Variants in PPAT observed in about 807,000 individuals in gnomAD.
PPAT encodes the protein phosphoribosyl pyrophosphate amidotransferase.
Under a neutral mutation model 60.2 loss-of-function variants are expected in PPAT, and 20 were observed. The ratio of observed to expected loss-of-function variants is 0.33; its 90% CI spans 0.23 to 0.48. PPAT has a LOEUF of 0.48. Ranked by LOEUF, PPAT falls within the 20% of genes least tolerant of loss-of-function variation. PPAT has a pLI of 0.99. For synonymous variants in PPAT, 194 were observed against 215.1 expected (o/e 0.90, Z 0.86); for missense variants, 349 against 629.6 (o/e 0.55, Z 4.77).
intron 8 of PPAT, 84 bp from the exon 9 acceptor site, chr4:56,399,484 T>C (rs1716061524): frequency 9.7e-7 from 1 of 1,032,274 alleles, no homozygotes; most frequent in Non-Finnish European, 1.4e-6. Context: ...GCCGCCACAA[T>C]ATTCAAGTAA....
chr4:56,407,789 A>G, intron 1 of PPAT, 73 bp from the exon 2 acceptor site: 1 of 1,177,070 alleles, frequency 8.5e-7, no homozygotes, highest in Non-Finnish European at 1.3e-6. Context: ...TATCAAGCAT[A>G]CTTTCTCAAC....
rs1218434861 is a variant in PPAT, at chr4:56,396,535, T to C, written c.1357+84A>G. On this transcript the variant is annotated intron_variant, in intron 10 of 10. Transcript: ENST00000264220. The surrounding 1 kb of genome is among the most constrained non-coding windows in gnomAD (Gnocchi z 4.6). ...ACTACTTTTAACAAACACTGAATAC[T>C]CCTTTTTACTAAAGGTGTAAAGACT... The C allele has an allele frequency of 7.6e-7, 1 of 1,308,902 alleles. No individual in the cohort carries two copies. The highest frequency in any genetic ancestry group is 2.3e-5 in the East Asian group (1 of 42,794). 81.1% of individuals were successfully genotyped at this position (1,308,902 alleles called of 1,614,324 possible). A position where few individuals can be genotyped will look rare whatever the true frequency, so the allele number is the denominator to read the frequency against.
chr4:56,402,820 CAAAAAAAAA>C (rs556899549), intron 5 of PPAT, among the ~76,000 whole-genome samples: 4 of 44,022 alleles, frequency 9.1e-5, no homozygotes, highest in African/African-American at 2.8e-4. Flanking sequence ...ACTCGGTCTC[CAAAAAAAAA>C]AAAAAAAAAA....
At chr4:56,426,273 G>A (rs1172129766) in intron 1 of PPAT, among the ~76,000 whole-genome samples, 1 of 151,954 alleles carries the variant, frequency 6.6e-6, no homozygotes, top group Non-Finnish European at 1.5e-5. Context: ...TGGTGGCCGC[G>A]CACCTGTGGT....
chr4:56,429,074 G>GGAATAAATATCTCTGTTATC, intron 1 of PPAT: 1 of 292,626 alleles, frequency 3.4e-6, no homozygotes, highest in Non-Finnish European at 5.1e-6. Context: ...CCTGATAACA[G>GGAATAAATATCTCTGTTATC]AGATATTTAT....
At chr4:56,405,137 A>G (rs1396567336) in intron 3 of PPAT, among the ~76,000 whole-genome samples, 1 of 152,092 alleles carries the variant, frequency 6.6e-6, no homozygotes, top group Admixed American at 6.5e-5. Context: ...ATGAAAGCAT[A>G]GGCACAAATT....
chr4:56,409,862 T>C (rs1198688590), intron 1 of PPAT, among the ~76,000 whole-genome samples: 1 of 152,228 alleles, frequency 6.6e-6, no homozygotes, highest in Non-Finnish European at 1.5e-5. Context: ...ATATTGCAAT[T>C]GTTGCAGTGT....
At chr4:56,427,207 T>C (rs1560649942) in intron 1 of PPAT, among the ~76,000 whole-genome samples, 1 of 152,238 alleles carries the variant, frequency 6.6e-6, no homozygotes, top group African/African-American at 2.4e-5. Context: ...AAATATCTGC[T>C]TGAGTCCCTG....
chr4:56,398,540 C>T (rs1455139497), intron 9 of PPAT, among the ~76,000 whole-genome samples: 3 of 151,620 alleles, frequency 2.0e-5, no homozygotes, highest in Non-Finnish European at 4.4e-5. Context: ...ATCTCTACCT[C>T]CTGGGCTCAA....
chr4:56,409,970 T>C (rs544244206), intron 1 of PPAT, among the ~76,000 whole-genome samples: 1 of 152,314 alleles, frequency 6.6e-6, no homozygotes, highest in African/African-American at 2.4e-5. Context: ...CAAGAAATGA[T>C]TTTATTAAAT....
rs1330061668 is a variant in PPAT at position 56,399,412 on chromosome 4, G to A, written c.1015-12C>T. ...TATGGAAGTCCACACTGATAGAGAA[G>A]AAATGAAAGGATAATGAGGAGTAAT... On this transcript the variant is annotated splice_polypyrimidine_tract_variant and intron_variant, in intron 8 of 10. Coordinates refer to ENST00000264220, the MANE Select transcript of PPAT (RefSeq NM_002703.5). The A allele has an allele frequency of 1.9e-6, 3 of 1,590,330 alleles. No individual in the cohort carries two copies. The highest frequency in any genetic ancestry group is 1.7e-6 in the Non-Finnish European group (2 of 1,159,128).
At chr4:56,406,879 T>C (rs1716255323) in intron 2 of PPAT, among the ~76,000 whole-genome samples, 178 bp from the exon 3 acceptor site, 1 of 152,198 alleles carries the variant, frequency 6.6e-6, no homozygotes, top group Non-Finnish European at 1.5e-5. Flanking sequence ...GTAAGAACTG[T>C]GAAGCACTTA....
chr4:56,402,653 C>A (rs192349372), intron 5 of PPAT, among the ~76,000 whole-genome samples: 2 of 151,812 alleles, frequency 1.3e-5, no homozygotes, highest in African/African-American at 2.4e-5. Flanking sequence ...CCTGTCTCTA[C>A]TAAAAATACA....
chr4:56,403,181 T>C lies in PPAT; in HGVS notation c.520A>G (p.Lys174Glu). The C allele has an allele frequency of 6.3e-7, 1 of 1,593,772 alleles. No individual in the cohort carries two copies. Among genetic ancestry groups the C allele is most frequent in the Non-Finnish European group, 8.6e-7 (1 of 1,168,410 alleles). ...DDTPDWVARIKNLMKEAPTAY... is the reference protein window; with the variant it reads ...DDTPDWVARIENLMKEAPTAY... ...GTGGGTGCTTCCTTCATCAAGTTTT[T>C]AATCCTGGAATTAATTAAATAATTG... Residue 174 changes from lysine (K) to glutamate (E), a missense_variant, in exon 5 of 11, where the codon AAA (lysine) becomes GAA (glutamate). Transcript: ENST00000264220.
At chr4:56,432,373 C>T (rs1436795709) in intron 1 of PPAT, among the ~76,000 whole-genome samples, 1 of 151,872 alleles carries the variant, frequency 6.6e-6, no homozygotes, top group Non-Finnish European at 1.5e-5. Context: ...GCTAAAAATA[C>T]AAAAATTACC....
At chr4:56,417,572 G>A (rs1716823112) in intron 1 of PPAT, among the ~76,000 whole-genome samples, 1 of 152,132 alleles carries the variant, frequency 6.6e-6, no homozygotes, top group Non-Finnish European at 1.5e-5. Context: ...CTTGAGACCA[G>A]GAGTTCGAGA....
intron 1 of PPAT, among the ~76,000 whole-genome samples, chr4:56,411,637 AGATGC>A (rs1716469033): frequency 1.2e-4 from 19 of 152,236 alleles, no homozygotes; most frequent in Admixed American, 1.2e-3. Context: ...TAAATCTTAT[AGATGC>A]TATTTCAAGA....
At chr4:56,413,993 T>A (rs1716597237) in intron 1 of PPAT, among the ~76,000 whole-genome samples, 2 of 152,234 alleles carry the variant, frequency 1.3e-5, no homozygotes, top group South Asian at 4.1e-4. Flanking sequence ...TAATTTGCAT[T>A]TGTTTAATTA....
At chr4:56,428,127 A>T (rs1324610021) in intron 1 of PPAT, among the ~76,000 whole-genome samples, 1 of 152,222 alleles carries the variant, frequency 6.6e-6, no homozygotes, top group Non-Finnish European at 1.5e-5. Context: ...CTTTTGACTC[A>T]TATTGAAGTT....
Sources: allele counts gnomAD v4.1 joint callset (sites outside exome capture counted in the v4.1 genomes callset), GRCh38; gene constraint gnomAD v4.1.1; non-coding constraint Gnocchi (gnomAD v3.1); transcripts MANE v1.5; gene names NCBI Gene and HGNC (gene_info 2026-07-23, HGNC 2026-07-21).